Variants in EPB41L2 observed in about 807,000 individuals in gnomAD.
EPB41L2 encodes band 4.1-like protein 2.
EPB41L2 carries 43 observed loss-of-function variants against 113.0 expected under a neutral mutation model. The observed-to-expected ratio is 0.38, with a 90% CI of 0.30 to 0.49. The LOEUF (loss-of-function observed/expected upper bound fraction) is 0.49. Ranked by LOEUF, EPB41L2 falls within the 20% of genes least tolerant of loss-of-function variation. The pLI is 0.95. For missense variants in EPB41L2, 1,147 were observed against 1,223.4 expected (o/e 0.94, Z 0.93); for synonymous variants, 442 against 436.7 (o/e 1.01, Z -0.15).
chr6:131,055,696 T>A (rs1039315466), intron 1 of EPB41L2, among the ~76,000 whole-genome samples: 23 of 152,198 alleles, frequency 1.5e-4, no homozygotes, highest in Non-Finnish European at 1.3e-4. Flanking sequence ...TTGAGCCATT[T>A]ATTCAATTTT....
chr6:130,929,896 CAT>C lies in EPB41L2; in HGVS notation c.706-3189_706-3188del, dbSNP rs1491317801. Among the ~76,000 whole-genome samples the C allele has an allele frequency of 5.0e-3, 537 of 107,544 alleles. 8 individuals carry two copies. Among genetic ancestry groups the C allele is most frequent in the Admixed American group, 0.018 (188 of 10,590 alleles). The allele number at this position is 107,544 out of a possible 152,430, so 70.6% of individuals were successfully genotyped here. On this transcript the variant is annotated intron_variant, in intron 3 of 19. Coordinates refer to ENST00000337057, the MANE Select transcript of EPB41L2 (RefSeq NM_001431.4). The stretch of plus-strand genomic sequence containing the variant: ...ACACACACACACACACACACACACA[CAT>C]ACACGCACAGTCATAAAGTGGTATA...
At chr6:131,046,259 T>C (rs9483206) in intron 1 of EPB41L2, among the ~76,000 whole-genome samples, 43,776 of 151,622 alleles carry the variant, frequency 0.29, 7,225 homozygotes, top group Non-Finnish European at 0.37. Flanking sequence ...AATCACTTTC[T>C]CCACACACAG....
chr6:131,044,352 A>T (rs1795027861), intron 1 of EPB41L2, among the ~76,000 whole-genome samples: 1 of 152,176 alleles, frequency 6.6e-6, no homozygotes, highest in African/African-American at 2.4e-5. Flanking sequence ...TTAAAAAAAA[A>T]TTGAAATAAT....
intron 1 of EPB41L2, among the ~76,000 whole-genome samples, chr6:130,991,784 T>C (rs1324981256): frequency 6.6e-6 from 1 of 152,210 alleles, no homozygotes; most frequent in African/African-American, 2.4e-5. Context: ...TAACATGTTG[T>C]CTTTGCTTTA....
At chr6:131,047,984 C>T (rs1795783391) in intron 1 of EPB41L2, among the ~76,000 whole-genome samples, 1 of 151,682 alleles carries the variant, frequency 6.6e-6, no homozygotes, top group Non-Finnish European at 1.5e-5. Flanking sequence ...ACTAAAAATA[C>T]AAAAATAAGC....
intron 1 of EPB41L2, among the ~76,000 whole-genome samples, chr6:130,989,386 T>G (rs936521811): frequency 6.6e-6 from 1 of 152,138 alleles, no homozygotes; most frequent in African/African-American, 2.4e-5. Context: ...CAGCCTCTGC[T>G]CTCTCTCCCT....
intron 1 of EPB41L2, among the ~76,000 whole-genome samples, chr6:130,960,393 T>C (rs36091418): frequency 6.6e-6 from 1 of 152,232 alleles, no homozygotes; most frequent in African/African-American, 2.4e-5. Flanking sequence ...TTGTACGTTA[T>C]TGCTTGACCA....
rs149339129 is a variant in EPB41L2, at chr6:130,956,209, C to T, written c.277G>A (p.Ala93Thr). The T allele has an allele frequency of 4.7e-4, 756 of 1,614,160 alleles. 6 individuals carry two copies. The South Asian group carries it at 5.2e-3, about 11-fold the overall frequency. ...TCTTTTTTATCTCCTCCATCTTTGG[C>T]CACTACTAAGGTATATGACTTTTGC... Reference protein sequence around the residue: ...KKQKSYTLVVAKDGGDKKEPT... With the variant: ...KKQKSYTLVVTKDGGDKKEPT... Residue 93 changes from alanine to threonine, a missense_variant, in exon 2 of 20, where the codon GCC (alanine) becomes ACC (threonine). Physicochemically the swap from Ala to Thr is moderately conservative, Grantham distance 58 (BLOSUM62 0). Coordinates refer to ENST00000337057, the MANE Select transcript of EPB41L2 (RefSeq NM_001431.4).
intron 3 of EPB41L2, among the ~76,000 whole-genome samples, chr6:130,954,040 C>CTTTCTTTTCT (rs1816373036): frequency 1.7e-5 from 1 of 58,850 alleles, no homozygotes; most frequent in Non-Finnish European, 3.3e-5. Context: ...CCTTTTCTTT[C>CTTTCTTTTCT]TTTTTTTTTT....
intron 1 of EPB41L2, among the ~76,000 whole-genome samples, chr6:131,042,542 T>C (rs959894518): frequency 6.6e-6 from 1 of 152,166 alleles, no homozygotes; most frequent in Non-Finnish European, 1.5e-5. Flanking sequence ...AAACAAATGA[T>C]TACAAAATCC....
intron 1 of EPB41L2, among the ~76,000 whole-genome samples, chr6:131,006,347 G>A (rs889138713): frequency 6.8e-5 from 10 of 147,934 alleles, no homozygotes; most frequent in African/African-American, 1.7e-4. Flanking sequence ...ATGAGCCACC[G>A]CACCCGACGA....
rs575537601 is a variant in EPB41L2, at chr6:130,895,491, C to G, written c.1237-372G>C. On this transcript the variant is annotated intron_variant, in intron 8 of 19. Coordinates refer to ENST00000337057, the MANE Select transcript of EPB41L2 (RefSeq NM_001431.4). ...AATGAGCTTTTCCCGTAGGCTAGTC[C>G]AGCCTCAGGGACAGTCTGTTGGCCT... is the stretch of plus-strand genomic sequence containing the variant. Among the ~76,000 whole-genome samples, 13 of 152,298 alleles carry G rather than the reference C, an allele frequency of 8.5e-5. No individual in the cohort carries two copies. In the South Asian group the frequency reaches 2.5e-3, roughly 29 times the overall value.
At chr6:130,898,588 C>T (rs572253064) in intron 8 of EPB41L2, among the ~76,000 whole-genome samples, 3 of 152,316 alleles carry the variant, frequency 2.0e-5, no homozygotes, top group Admixed American at 2.0e-4. Flanking sequence ...TGGCAACCAA[C>T]TATAGCGATG....
intron 1 of EPB41L2, among the ~76,000 whole-genome samples, chr6:131,027,504 CCAA>C (rs757023750): frequency 1.3e-5 from 2 of 152,216 alleles, no homozygotes; most frequent in Non-Finnish European, 2.9e-5. Flanking sequence ...CCTAGCAAGT[CCAA>C]CAATTATCCA....
chr6:130,863,666 G>C lies in EPB41L2; in HGVS notation c.2882C>G (p.Thr961Arg). The C allele has an allele frequency of 6.2e-7, 1 of 1,613,272 alleles. No individual in the cohort carries two copies. Among genetic ancestry groups the C allele is most frequent in the Non-Finnish European group, 8.5e-7 (1 of 1,179,300 alleles). The change falls in exon 18 of 20, where the codon ACA becomes AGA. Residue 961 changes from threonine to arginine, a missense_variant. By Grantham distance (71) the Thr-to-Arg change is moderately conservative. Coordinates refer to ENST00000337057, the MANE Select transcript of EPB41L2 (RefSeq NM_001431.4). ...GTCATGATCAATATCTCCATCTCCTGTGATCACAATGCGTTTCTCAATTCT... is the reference window on the plus strand; with the variant it reads ...GTCATGATCAATATCTCCATCTCCTCTGATCACAATGCGTTTCTCAATTCT... ...ETRIEKRIVI[T>R]GDGDIDHDQA...
chr6:130,873,624 C>T (rs1786500753), intron 14 of EPB41L2, among the ~76,000 whole-genome samples: 2 of 152,178 alleles, frequency 1.3e-5, no homozygotes, highest in Non-Finnish European at 2.9e-5. Context: ...CAGCACCATG[C>T]CCAGCTAATT....
chr6:131,045,334 T>C (rs955621137), intron 1 of EPB41L2, among the ~76,000 whole-genome samples: 12 of 152,052 alleles, frequency 7.9e-5, no homozygotes, highest in Non-Finnish European at 1.8e-4. Flanking sequence ...TAAATATTCA[T>C]TTAATATGAA....
At chr6:131,054,150 T>A (rs1236636616) in intron 1 of EPB41L2, among the ~76,000 whole-genome samples, 1 of 152,218 alleles carries the variant, frequency 6.6e-6, no homozygotes, top group Non-Finnish European at 1.5e-5. Flanking sequence ...CTAGAATCCA[T>A]GGATCTCTCC....
At chr6:130,954,464 A>AAAACAAGATAATCCATT (rs1209848109) in intron 3 of EPB41L2, among the ~76,000 whole-genome samples, 3 of 152,192 alleles carry the variant, frequency 2.0e-5, no homozygotes, top group African/African-American at 7.2e-5. Context: ...CTTAATCAAT[A>AAAACAAGATAATCCATT]AAACAAGATA....
Sources: allele counts gnomAD v4.1 joint callset (sites outside exome capture counted in the v4.1 genomes callset), GRCh38; gene constraint gnomAD v4.1.1; transcripts MANE v1.5; gene names NCBI Gene and HGNC (gene_info 2026-07-23, HGNC 2026-07-21).